EPB41L3: variants seen among roughly 807,000 people sequenced by gnomAD.
EPB41L3 encodes erythrocyte membrane protein band 4.1 like 3, also known as band 4.1-like protein 3.
Under a neutral mutation model 127.1 loss-of-function variants are expected in EPB41L3, and 57 were observed. The observed-to-expected ratio is 0.45, with a 90% CI of 0.36 to 0.56. EPB41L3 has a LOEUF of 0.56. EPB41L3 is among the 20% of genes least tolerant of loss of function. The pLI is 0.00. For missense variants in EPB41L3, 1,273 were observed against 1,372.2 expected (o/e 0.93, Z 1.14); for synonymous variants, 572 against 549.5 (o/e 1.04, Z -0.57).
intron 3 of EPB41L3, among the ~76,000 whole-genome samples, chr18:5,554,576 T>A (rs73937160): frequency 0.061 from 9,294 of 152,164 alleles, 844 homozygotes; most frequent in African/African-American, 0.2. Flanking sequence ...CAACTCCCAA[T>A]CACCCTAAGG....
At chr18:5,561,780 C>T (rs2094138709) in intron 3 of EPB41L3, among the ~76,000 whole-genome samples, 1 of 152,118 alleles carries the variant, frequency 6.6e-6, no homozygotes, top group South Asian at 2.1e-4. Context: ...CAGTAGACGC[C>T]ACCTTAACCA....
intron 13 of EPB41L3, among the ~76,000 whole-genome samples, chr18:5,415,127 T>C (rs1286943341): frequency 6.6e-6 from 1 of 152,210 alleles, no homozygotes; most frequent in Non-Finnish European, 1.5e-5. Context: ...TTCAATTTAG[T>C]CCTTTTCTGA....
intron 3 of EPB41L3, among the ~76,000 whole-genome samples, chr18:5,557,768 T>C (rs2094061379): frequency 6.6e-6 from 1 of 152,168 alleles, no homozygotes; most frequent in Non-Finnish European, 1.5e-5. Flanking sequence ...AAATTGCAAA[T>C]ACTCATGATA....
intron 5 of EPB41L3, among the ~76,000 whole-genome samples, chr18:5,441,476 T>C (rs2080725646): frequency 2.0e-5 from 3 of 151,558 alleles, no homozygotes; most frequent in African/African-American, 7.3e-5. Context: ...TTTTTTTTTT[T>C]TTTTTTTGAC....
chr18:5,494,942 T>C (rs2091007815), intron 1 of EPB41L3, among the ~76,000 whole-genome samples: 1 of 152,138 alleles, frequency 6.6e-6, no homozygotes, highest in South Asian at 2.1e-4. Context: ...CTGGCAGACA[T>C]GGGAACCTCA....
At chr18:5,575,620 T>C (rs1037691076) in intron 3 of EPB41L3, among the ~76,000 whole-genome samples, 1 of 152,102 alleles carries the variant, frequency 6.6e-6, no homozygotes, top group African/African-American at 2.4e-5. Flanking sequence ...GTGGATCACC[T>C]GAGGTCAGGA....
At chr18:5,535,589 C>T (rs774027639) in intron 1 of EPB41L3, among the ~76,000 whole-genome samples, 2 of 152,142 alleles carry the variant, frequency 1.3e-5, no homozygotes, top group Non-Finnish European at 2.9e-5. Context: ...GAAAAAATTA[C>T]GTAGAAATAT....
At position 5,589,182 on chromosome 18, in the gene EPB41L3, C is replaced by T. The variant is rs118152486; in HGVS notation, c.-306+23158G>A. Among the ~76,000 whole-genome samples, 4 of 152,194 alleles carry T rather than the reference C, an allele frequency of 2.6e-5. No individual in the cohort carries two copies. In the East Asian group the frequency reaches 5.8e-4, roughly 22 times the overall value. ...GAATTCAAAGCTAATTTTATGGTGT[C>T]AACTCATTACACAGTGTATTCTTAT... On this transcript the variant is annotated intron_variant, in intron 3 of 21. Coordinates refer to the EPB41L3 transcript ENST00000545076.
chr18:5,604,819 C>T (rs142079283), intron 3 of EPB41L3, among the ~76,000 whole-genome samples: 169 of 152,188 alleles, frequency 1.1e-3, no homozygotes, highest in African/African-American at 3.8e-3. Flanking sequence ...CTCCTTATCC[C>T]CTAATTTCCC....
intron 11 of EPB41L3, 110 bp from the exon 12 acceptor site, chr18:5,419,987 CAT>C (rs574128257): frequency 3.2e-5 from 51 of 1,579,348 alleles, no homozygotes; most frequent in Middle Eastern, 3.4e-4. Context: ...TCAGAAGACA[CAT>C]GAACAATACC....
chr18:5,455,210 T>C (rs2082853224), intron 3 of EPB41L3, among the ~76,000 whole-genome samples: 1 of 152,176 alleles, frequency 6.6e-6, no homozygotes, highest in Non-Finnish European at 1.5e-5. Flanking sequence ...TAATGCTGAA[T>C]TTGGAATAGA....
At chr18:5,460,139 T>C (rs2083734473) in intron 3 of EPB41L3, among the ~76,000 whole-genome samples, 2 of 152,218 alleles carry the variant, frequency 1.3e-5, no homozygotes, top group Non-Finnish European at 2.9e-5. Flanking sequence ...TACTTATAAA[T>C]GAGATTGTGC....
chr18:5,561,196 C>T (rs2149207358), intron 3 of EPB41L3, among the ~76,000 whole-genome samples: 1 of 152,006 alleles, frequency 6.6e-6, no homozygotes. Flanking sequence ...CCAGGATGGT[C>T]AAGATCTCCT....
intron 3 of EPB41L3, among the ~76,000 whole-genome samples, chr18:5,587,711 A>C (rs2094452938): frequency 6.6e-6 from 1 of 152,234 alleles, no homozygotes; most frequent in Admixed American, 6.5e-5. Flanking sequence ...GTGTCACAAC[A>C]ACCAACAAAG....
chr18:5,509,486 C>T (rs2092407317), intron 1 of EPB41L3, among the ~76,000 whole-genome samples: 1 of 152,190 alleles, frequency 6.6e-6, no homozygotes, highest in South Asian at 2.1e-4. Context: ...CTTCCTATTT[C>T]ACGGTTTGGT....
chr18:5,612,444 T>TG (rs1329765399), intron 2 of EPB41L3: 2 of 152,262 alleles, frequency 1.3e-5, no homozygotes, highest in African/African-American at 4.8e-5. Flanking sequence ...AAAGCGTCCA[T>TG]GCCAGGTGTT....
At chr18:5,435,076 T>C (rs1034719644) in intron 6 of EPB41L3, among the ~76,000 whole-genome samples, 2 of 152,092 alleles carry the variant, frequency 1.3e-5, no homozygotes, top group African/African-American at 4.8e-5. Context: ...TAAAAACAAA[T>C]TATAAATTTT....
chr18:5,622,374 G>A (rs577141226), intron 1 of EPB41L3, among the ~76,000 whole-genome samples: 1 of 152,296 alleles, frequency 6.6e-6, no homozygotes, highest in South Asian at 2.1e-4. Context: ...TACTAAGCTT[G>A]TTTTGCAGAA....
chr18:5,518,965 C>CA (rs2092870785), intron 1 of EPB41L3, among the ~76,000 whole-genome samples: 1 of 152,168 alleles, frequency 6.6e-6, no homozygotes, highest in East Asian at 1.9e-4. Flanking sequence ...GTGTCTGAAT[C>CA]CGTCTGTTTG....
Sources: allele counts gnomAD v4.1 joint callset (sites outside exome capture counted in the v4.1 genomes callset), GRCh38; gene constraint gnomAD v4.1.1; transcripts MANE v1.5; gene names NCBI Gene and HGNC (gene_info 2026-07-23, HGNC 2026-07-21).